EPHA5: variants seen among roughly 807,000 people sequenced by gnomAD.
EPHA5 encodes EPH receptor A5, also known as ephrin type-A receptor 5.
Under a neutral mutation model 105.0 loss-of-function variants are expected in EPHA5, and 60 were observed. The observed-to-expected ratio is 0.57, with a 90% CI of 0.46 to 0.71. The LOEUF (loss-of-function observed/expected upper bound fraction) is 0.71, where lower values mean the gene tolerates loss of function less well. EPHA5 is among the 30% of genes least tolerant of loss of function. EPHA5 has a pLI of 0.00. For synonymous variants in EPHA5, 513 were observed against 449.1 expected (o/e 1.14, Z -1.80); for missense variants, 1,218 against 1,274.7 (o/e 0.96, Z 0.68).
At chr4:65,513,585 A>G (rs1343993401) in intron 3 of EPHA5, among the ~76,000 whole-genome samples, 3 of 151,904 alleles carry the variant, frequency 2.0e-5, no homozygotes, top group African/African-American at 7.2e-5. Flanking sequence ...GGGGGGTTTT[A>G]CCATGTTGGC....
intron 5 of EPHA5, among the ~76,000 whole-genome samples, chr4:65,470,583 G>A (rs1054896121): frequency 6.6e-6 from 1 of 152,120 alleles, no homozygotes; most frequent in Non-Finnish European, 1.5e-5. Flanking sequence ...CTCTATTAAA[G>A]ATAGCACAGT....
At chr4:65,423,781 G>A (rs903513897) in intron 5 of EPHA5, among the ~76,000 whole-genome samples, 1 of 151,408 alleles carries the variant, frequency 6.6e-6, no homozygotes, top group Non-Finnish European at 1.5e-5. Flanking sequence ...TTTCTGTAAG[G>A]AGCACTGGTT....
intron 3 of EPHA5, among the ~76,000 whole-genome samples, chr4:65,541,879 G>A (rs968259419): frequency 5.9e-5 from 9 of 151,716 alleles, no homozygotes; most frequent in Non-Finnish European, 1.3e-4. Flanking sequence ...AACTGAAATC[G>A]TAACAGACAG....
chr4:65,474,797 A>G (rs1381405429), intron 5 of EPHA5, among the ~76,000 whole-genome samples: 2 of 152,200 alleles, frequency 1.3e-5, no homozygotes, highest in East Asian at 1.9e-4. Context: ...CCAAAAGTCA[A>G]TCTTAAAATA....
chr4:65,422,001 C>A (rs1299383579), intron 5 of EPHA5, among the ~76,000 whole-genome samples: 1 of 152,054 alleles, frequency 6.6e-6, no homozygotes, highest in Non-Finnish European at 1.5e-5. Context: ...GTAAAGACAA[C>A]AAATAAATAC....
At position 65,331,473 on chromosome 4, in the gene EPHA5, G is replaced by A. The variant is rs937792402; in HGVS notation, c.2945+500C>T. On this transcript the variant is annotated intron_variant, in intron 16 of 16. Transcript: ENST00000613740. ...TGATACATCCTTAGATTGAAAGAAT[G>A]TAAGGTGCACCATTTAGAAATTAAA... The A allele has an allele frequency of 7.6e-6, 8 of 1,049,424 alleles. No individual in the cohort carries two copies. In the African/African-American group the frequency reaches 1.2e-4, roughly 15 times the overall value. The allele number at this position is 1,049,424 out of a possible 1,614,324, so 65.0% of individuals were successfully genotyped here.
intron 6 of EPHA5, 76 bp downstream of exon 6, chr4:65,420,365 T>G: frequency 7.1e-7 from 1 of 1,415,068 alleles, no homozygotes; most frequent in Non-Finnish European, 9.6e-7. Flanking sequence ...CATACTCTTC[T>G]GCAAGTTGGA....
At chr4:65,397,794 G>A (rs939423268) in intron 8 of EPHA5, among the ~76,000 whole-genome samples, 2 of 152,070 alleles carry the variant, frequency 1.3e-5, no homozygotes, top group African/African-American at 4.8e-5. Context: ...CTCTGAGAGA[G>A]ATCTGACTGC....
chr4:65,404,753 A>C (rs1486815944), intron 7 of EPHA5, among the ~76,000 whole-genome samples: 1 of 152,180 alleles, frequency 6.6e-6, no homozygotes, highest in Non-Finnish European at 1.5e-5. Context: ...TTTGCATAGT[A>C]TTCATCTAGG....
rs150913839 is a variant in EPHA5, at chr4:65,618,560, T to C, written c.247-16256A>G. Among the ~76,000 whole-genome samples, 950 of 152,214 alleles carry C rather than the reference T, an allele frequency of 6.2e-3. 35 individuals carry two copies. The highest frequency in any genetic ancestry group is 0.056 in the Admixed American group (849 of 15,286). ...TACAGGATGATCAAGGTACAAACACTTTTTTTGACAATCTTCCCCTAAGTA... is the reference window on the plus strand; with the variant it reads ...TACAGGATGATCAAGGTACAAACACCTTTTTTGACAATCTTCCCCTAAGTA... On this transcript the variant is annotated intron_variant, in intron 2 of 16. Coordinates refer to ENST00000613740, the MANE Select transcript of EPHA5 (RefSeq NM_001281766.3).
Position 65,351,573 on chromosome 4 carries a change from A to C in EPHA5, c.2261T>G (p.Ile754Ser). The change falls in exon 13 of 17, where the codon ATT becomes AGT. Residue 754 changes from isoleucine (I) to serine (S), a missense_variant. By Grantham distance (142) the Ile-to-Ser change is moderately radical. Coordinates refer to ENST00000613740, the MANE Select transcript of EPHA5 (RefSeq NM_001281766.3). ...LKKNDGQFTVIQLVGMLRGIS... is the reference protein window; with the variant it reads ...LKKNDGQFTVSQLVGMLRGIS... ...ACCTCTCAGCATGCCAACAAGCTGA[A>C]TCACAGTGAACTGCCCATCGTTTTT... 4 of 1,613,660 alleles carry C rather than the reference A, an allele frequency of 2.5e-6. No individual in the cohort carries two copies. The highest frequency in any genetic ancestry group is 3.4e-6 in the Non-Finnish European group (4 of 1,179,714).
rs374228771 is a variant in EPHA5, at chr4:65,643,355, A to T, written c.246+8T>A. 161 of 1,611,088 alleles carry T rather than the reference A, an allele frequency of 1.0e-4. No individual in the cohort carries two copies. Among genetic ancestry groups the T allele is most frequent in the Non-Finnish European group, 1.3e-4 (151 of 1,177,544 alleles). Reference sequence around the variant, plus strand: ...CTTAAGTTTTAGAAAAACTTTCATAAAACTTACCCCATTTTTTGGAAAAGC... The same window carrying T: ...CTTAAGTTTTAGAAAAACTTTCATATAACTTACCCCATTTTTTGGAAAAGC... On this transcript the variant is annotated splice_region_variant and intron_variant, in intron 2 of 16. Transcript: ENST00000613740.
intron 14 of EPHA5, among the ~76,000 whole-genome samples, chr4:65,347,802 C>G (rs77070048): frequency 0.088 from 13,458 of 152,104 alleles, 768 homozygotes; most frequent in Non-Finnish European, 0.11. Flanking sequence ...AGTGAAACAT[C>G]ACTACAGTAC....
intron 7 of EPHA5, among the ~76,000 whole-genome samples, chr4:65,409,442 A>G (rs1379841753): frequency 6.6e-6 from 1 of 152,108 alleles, no homozygotes; most frequent in African/African-American, 2.4e-5. Context: ...AAAAATCATT[A>G]TACATTTGCA....
chr4:65,519,742 C>A (rs867402874), intron 3 of EPHA5, among the ~76,000 whole-genome samples: 2 of 152,054 alleles, frequency 1.3e-5, no homozygotes, highest in African/African-American at 4.8e-5. Flanking sequence ...AACAGACAAA[C>A]AGAGAGCAAA....
At chr4:65,501,625 A>G (rs1732499555) in intron 3 of EPHA5, among the ~76,000 whole-genome samples, 1 of 151,834 alleles carries the variant, frequency 6.6e-6, no homozygotes, top group African/African-American at 2.4e-5. Flanking sequence ...AAATGGAAAA[A>G]CATTCCATAC....
At chr4:65,481,789 T>C (rs1225376918) in intron 5 of EPHA5, among the ~76,000 whole-genome samples, 1 of 152,212 alleles carries the variant, frequency 6.6e-6, no homozygotes, top group African/African-American at 2.4e-5. Context: ...TAATTCAAGC[T>C]GGTATAAATA....
At chr4:65,326,312 C>A (rs1384079185) in intron 16 of EPHA5, among the ~76,000 whole-genome samples, 4 of 151,104 alleles carry the variant, frequency 2.6e-5, no homozygotes, top group Non-Finnish European at 5.9e-5. Context: ...AAAACCAAGT[C>A]TATACTTTTA....
intron 2 of EPHA5, among the ~76,000 whole-genome samples, chr4:65,615,133 T>C (rs997973188): frequency 2.6e-5 from 4 of 151,778 alleles, no homozygotes; most frequent in Non-Finnish European, 4.4e-5. Flanking sequence ...ACTAAATTCA[T>C]TATCAGAAGC....
Sources: gnomAD v4.1 joint callset for allele counts (sites outside exome capture counted in the v4.1 genomes callset) on GRCh38, gnomAD v4.1.1 for gene constraint, MANE v1.5 for transcripts, NCBI Gene and HGNC (gene_info 2026-07-23, HGNC 2026-07-21) for gene names.